The following ZMYM2 variants were observed in gnomAD, a reference collection of about 807,000 sequenced individuals.
The protein encoded by ZMYM2 is zinc finger MYM-type protein 2.
In ZMYM2, 56 loss-of-function variants were observed where a neutral mutation model predicts 162.8. The observed-to-expected ratio is 0.34, with a 90% CI of 0.28 to 0.43. The LOEUF (loss-of-function observed/expected upper bound fraction) is 0.43, where lower values mean the gene tolerates loss of function less well. Among genes scored for constraint, ZMYM2 ranks in the 20% least tolerant of loss-of-function variants. The pLI is 1.00. For synonymous variants in ZMYM2, 510 were observed against 541.6 expected (o/e 0.94, Z 0.81); for missense variants, 1,275 against 1,621.8 (o/e 0.79, Z 3.67).
At chr13:20,031,275 C>A (rs1294072005) in intron 9 of ZMYM2, 44 bp from the exon 10 acceptor site, 2 of 1,356,624 alleles carry the variant, frequency 1.5e-6, no homozygotes, top group Admixed American at 2.2e-5. Context: ...AATAGAAATT[C>A]AAACATACAT....
At chr13:19,895,076 CA>C in the ZMYM2 span, among the ~76,000 whole-genome samples, 1,257 of 83,706 alleles carry the variant, frequency 0.015, 11 homozygotes, top group African/African-American at 0.051. Context: ...AACTCCATCT[CA>C]AAAAAAAAAA....
At chr13:19,970,112 CATT>C (rs1956170225) in intron 2 of ZMYM2, 2 of 968,596 alleles carry the variant, frequency 2.1e-6, no homozygotes, top group Non-Finnish European at 2.5e-6. Flanking sequence ...TCTGTTTAAA[CATT>C]ATGGAAAATT....
chr13:19,929,782 C>T, the ZMYM2 span, among the ~76,000 whole-genome samples: 2 of 152,152 alleles, frequency 1.3e-5, no homozygotes, highest in African/African-American at 4.8e-5. Context: ...TTATTTCTCT[C>T]CTATCCTCTG....
the ZMYM2 span, among the ~76,000 whole-genome samples, chr13:19,892,139 C>T: frequency 3.3e-5 from 5 of 151,842 alleles, no homozygotes; most frequent in African/African-American, 1.2e-4. Flanking sequence ...AATGAAGTCT[C>T]CCTGTGTTTC....
chr13:20,067,083 C>A, intron 20 of ZMYM2, 64 bp downstream of exon 20: 1 of 1,467,716 alleles, frequency 6.8e-7, no homozygotes, highest in Non-Finnish European at 9.1e-7. Flanking sequence ...TTATTGAGTA[C>A]CTTTAAATTT....
At chr13:19,912,079 T>G in the ZMYM2 span, among the ~76,000 whole-genome samples, 1 of 152,182 alleles carries the variant, frequency 6.6e-6, no homozygotes, top group Admixed American at 6.5e-5. Context: ...CCAGATGTGG[T>G]TTCATTGCTT....
chr13:19,979,475 A>C (rs907161984), intron 2 of ZMYM2, among the ~76,000 whole-genome samples: 7 of 140,308 alleles, frequency 5.0e-5, no homozygotes, highest in Non-Finnish European at 7.6e-5. Flanking sequence ...GTTTGTAGGC[A>C]CTGGAGTTTC....
At chr13:19,954,451 T>C (rs190184537), upstream of ZMYM2, among the ~76,000 whole-genome samples, 7 of 152,078 alleles carry the variant, frequency 4.6e-5, no homozygotes, top group Admixed American at 1.3e-4. Context: ...GTTTAAGAGT[T>C]AAAATTTAAG....
At chr13:19,966,538 C>T (rs1955804297) in intron 2 of ZMYM2, among the ~76,000 whole-genome samples, 1 of 151,540 alleles carries the variant, frequency 6.6e-6, no homozygotes, top group African/African-American at 2.4e-5. Context: ...CACCGCAGCC[C>T]CTACCTCCTG....
Position 20,064,476 on chromosome 13 carries a change from T to A in ZMYM2, c.3063T>A (p.Asn1021Lys), listed in dbSNP as rs1056462328. 6.2e-7 allele frequency: 1 copy of A among 1,600,156 alleles called. No individual in the cohort carries two copies. The highest frequency in any genetic ancestry group is 1.3e-5 in the African/African-American group (1 of 74,614). ...CTGCTGAGGAGCTTGATATGGAAAA[T>A]GAATTTTTATTACCACCTGTTTTTG... is the stretch of plus-strand genomic sequence containing the variant. The part of the protein sequence containing the change: ...PRAAEELDME[N>K]EFLLPPVFGE... Residue 1021 changes from asparagine (N) to lysine (K), a missense_variant, in exon 19 of 25, where the codon AAT becomes AAA. Physicochemically the swap from Asn to Lys is moderately conservative, Grantham distance 94. Around this residue, in one of 10 missense-constraint regions of ZMYM2, gnomAD observed 229 missense variants for 283.8 expected, o/e 0.81. Coordinates refer to ENST00000610343, the MANE Select transcript of ZMYM2 (RefSeq NM_197968.4).
At chr13:19,967,721 C>T (rs1955930081) in intron 2 of ZMYM2, among the ~76,000 whole-genome samples, 1 of 152,106 alleles carries the variant, frequency 6.6e-6, no homozygotes, top group African/African-American at 2.4e-5. Flanking sequence ...ATGGTAATGC[C>T]TGGTTTCCTG....
chr13:19,920,942 T>TAGTAGAGACAGGG, the ZMYM2 span, among the ~76,000 whole-genome samples: 1 of 151,746 alleles, frequency 6.6e-6, no homozygotes, highest in African/African-American at 2.4e-5. Context: ...TTTGTATTTT[T>TAGTAGAGACAGGG]TTTTTTTTAG....
chr13:19,868,669 T>C, the ZMYM2 span, among the ~76,000 whole-genome samples: 6 of 152,194 alleles, frequency 3.9e-5, no homozygotes, highest in Non-Finnish European at 8.8e-5. Flanking sequence ...CACGGTTTTT[T>C]CTGAAACTCA....
chr13:19,868,571 C>T, the ZMYM2 span, among the ~76,000 whole-genome samples: 3 of 152,042 alleles, frequency 2.0e-5, no homozygotes, highest in East Asian at 1.9e-4. Flanking sequence ...TATTGCTCTA[C>T]GTGGTCATTG....
At chr13:20,030,690 G>T (rs915081214) in intron 9 of ZMYM2, among the ~76,000 whole-genome samples, 2 of 152,034 alleles carry the variant, frequency 1.3e-5, no homozygotes, top group South Asian at 2.1e-4. Flanking sequence ...GAGCCACCAC[G>T]CCTGGCCTAA....
At chr13:19,964,452 ACAGGGACC>A (rs1219273700) in intron 2 of ZMYM2, among the ~76,000 whole-genome samples, 3 of 152,134 alleles carry the variant, frequency 2.0e-5, no homozygotes, top group African/African-American at 7.2e-5. Context: ...TTTTGTAGAG[ACAGGGACC>A]CACTTTGTTG....
upstream of ZMYM2, among the ~76,000 whole-genome samples, chr13:19,958,036 A>G (rs1954676775): frequency 6.6e-6 from 1 of 152,174 alleles, no homozygotes; most frequent in Admixed American, 6.5e-5. Context: ...AGTCGTTCCG[A>G]CAAAATGGAG....
At chr13:19,904,484 G>A in the ZMYM2 span, among the ~76,000 whole-genome samples, 1 of 152,130 alleles carries the variant, frequency 6.6e-6, no homozygotes, top group East Asian at 1.9e-4. Flanking sequence ...CTTGAATGCA[G>A]GAGGCGGAGG....
At chr13:19,997,541 T>G (rs1285492755) in intron 3 of ZMYM2, among the ~76,000 whole-genome samples, 4 of 152,096 alleles carry the variant, frequency 2.6e-5, no homozygotes, top group South Asian at 2.1e-4. Flanking sequence ...ATGTGTGTGT[T>G]TGTATGAGCA....
Sources: allele counts gnomAD v4.1 joint callset (sites outside exome capture counted in the v4.1 genomes callset), GRCh38; gene constraint gnomAD v4.1.1; regional missense constraint gnomAD v4.1.1; transcripts MANE v1.5; gene names NCBI Gene and HGNC (gene_info 2026-07-23, HGNC 2026-07-21).